Variants in MARCHF1 observed in about 807,000 individuals in gnomAD.
MARCHF1 encodes the protein E3 ubiquitin-protein ligase MARCHF1.
A neutral mutation model predicts 54.2 loss-of-function variants in MARCHF1; 40 were observed. The observed-to-expected ratio is 0.74, with a 90% CI of 0.57 to 0.96. MARCHF1 has a LOEUF of 0.96. Among genes scored for constraint, MARCHF1 ranks in the 40% least tolerant of loss-of-function variants. The pLI is 0.00. For missense variants in MARCHF1, 586 were observed against 656.5 expected (o/e 0.89, Z 1.17); for synonymous variants, 236 against 236.3 (o/e 1.00, Z 0.01).
chr4:164,180,104 G>A (rs1457777993), intron 1 of MARCHF1, among the ~76,000 whole-genome samples: 1 of 151,684 alleles, frequency 6.6e-6, no homozygotes, highest in Non-Finnish European at 1.5e-5. Flanking sequence ...ATATCCTTTA[G>A]TAGTGAAAGC....
chr4:163,785,207 TA>T (rs1747581971), intron 4 of MARCHF1, among the ~76,000 whole-genome samples: 1 of 152,124 alleles, frequency 6.6e-6, no homozygotes, highest in Non-Finnish European at 1.5e-5. Flanking sequence ...GATTAAAATT[TA>T]AGTACTCCAA....
At chr4:164,327,772 GAA>G (rs1735321076) in intron 1 of MARCHF1, among the ~76,000 whole-genome samples, 2 of 152,180 alleles carry the variant, frequency 1.3e-5, no homozygotes. Context: ...TTTCGTGTAG[GAA>G]TTTGGGGAAA....
At chr4:163,828,648 C>A (rs537898335) in intron 4 of MARCHF1, among the ~76,000 whole-genome samples, 66 of 152,076 alleles carry the variant, frequency 4.3e-4, no homozygotes, top group Non-Finnish European at 7.6e-4. Context: ...CACATACACG[C>A]AAAGCCTCAA....
intron 1 of MARCHF1, among the ~76,000 whole-genome samples, chr4:164,172,908 A>G (rs1459825413): frequency 3.3e-5 from 5 of 151,250 alleles, no homozygotes; most frequent in East Asian, 2.0e-4. Flanking sequence ...GTGAACCCGC[A>G]AGGCGGAGCT....
intron 5 of MARCHF1, among the ~76,000 whole-genome samples, chr4:163,620,861 G>A (rs1741671430): frequency 6.6e-6 from 1 of 152,104 alleles, no homozygotes; most frequent in African/African-American, 2.4e-5. Flanking sequence ...TTCTCAGGCT[G>A]TATATTTCGT....
At chr4:163,601,340 T>G (rs6827529) in intron 7 of MARCHF1, among the ~76,000 whole-genome samples, 3,059 of 152,088 alleles carry the variant, frequency 0.02, 88 homozygotes, top group African/African-American at 0.068. Context: ...AATCTAAATT[T>G]AATGCACACA....
At chr4:163,587,419 A>G (rs1740445548) in intron 7 of MARCHF1, among the ~76,000 whole-genome samples, 1 of 152,248 alleles carries the variant, frequency 6.6e-6, no homozygotes, top group African/African-American at 2.4e-5. Context: ...CATTTACGCC[A>G]TGGAATACTA....
chr4:163,568,657 A>G (rs528023920), intron 8 of MARCHF1, among the ~76,000 whole-genome samples: 24 of 152,284 alleles, frequency 1.6e-4, no homozygotes, highest in African/African-American at 5.1e-4. Context: ...GGCTGAAGTC[A>G]TACTGAAGAT....
At chr4:163,983,295 A>T (rs1011300007) in intron 3 of MARCHF1, among the ~76,000 whole-genome samples, 1 of 152,184 alleles carries the variant, frequency 6.6e-6, no homozygotes, top group African/African-American at 2.4e-5. Context: ...TGAAAGGCTG[A>T]GTTATCTACT....
At chr4:163,619,372 A>G (rs1184340946) in intron 5 of MARCHF1, among the ~76,000 whole-genome samples, 1 of 152,162 alleles carries the variant, frequency 6.6e-6, no homozygotes, top group African/African-American at 2.4e-5. Flanking sequence ...TCAAATCCCA[A>G]CAGGTTGTTT....
At chr4:163,821,104 C>T (rs1303903928) in intron 4 of MARCHF1, among the ~76,000 whole-genome samples, 1 of 152,008 alleles carries the variant, frequency 6.6e-6, no homozygotes, top group Non-Finnish European at 1.5e-5. Context: ...GCCTTCTAGG[C>T]TTTTATACAC....
At chr4:164,280,608 C>T (rs1488835827) in intron 1 of MARCHF1, among the ~76,000 whole-genome samples, 1 of 152,024 alleles carries the variant, frequency 6.6e-6, no homozygotes, top group Non-Finnish European at 1.5e-5. Flanking sequence ...CAAATTTATT[C>T]CACATGTCAA....
intron 2 of MARCHF1, among the ~76,000 whole-genome samples, chr4:164,075,935 ACTGT>A (rs1250535906): frequency 6.6e-6 from 1 of 152,200 alleles, no homozygotes; most frequent in African/African-American, 2.4e-5. Context: ...ACAGCCACTG[ACTGT>A]CTATCATATA....
chr4:164,045,680 TAA>T (rs10559720), intron 2 of MARCHF1, among the ~76,000 whole-genome samples: 34,879 of 142,936 alleles, frequency 0.24, 5,493 homozygotes, highest in East Asian at 0.49. Flanking sequence ...TCTGGCTTAG[TAA>T]AAAAAAAAAA....
intron 9 of MARCHF1, among the ~76,000 whole-genome samples, chr4:163,531,654 T>G (rs1488277443): frequency 6.6e-6 from 1 of 151,878 alleles, no homozygotes; most frequent in Non-Finnish European, 1.5e-5. Flanking sequence ...ACTATCTTTG[T>G]TCACAAATGA....
At chr4:164,043,751 C>A (rs6839716) in intron 2 of MARCHF1, among the ~76,000 whole-genome samples, 12,823 of 152,276 alleles carry the variant, frequency 0.084, 657 homozygotes, top group South Asian at 0.21. Context: ...CTCCCCTTCC[C>A]TTTTAAATAT....
intron 2 of MARCHF1, among the ~76,000 whole-genome samples, chr4:164,095,728 T>C (rs1755397052): frequency 6.6e-6 from 1 of 152,034 alleles, no homozygotes; most frequent in South Asian, 2.1e-4. Flanking sequence ...CCAAAAAACT[T>C]AAACTTTTTA....
intron 1 of MARCHF1, among the ~76,000 whole-genome samples, chr4:164,288,325 A>C (rs926166650): frequency 6.6e-6 from 1 of 152,140 alleles, no homozygotes; most frequent in African/African-American, 2.4e-5. Flanking sequence ...ATTCTTATTA[A>C]GGGTTAGAAA....
chr4:163,599,425 C>G (rs1449884174), intron 7 of MARCHF1, among the ~76,000 whole-genome samples: 1 of 151,960 alleles, frequency 6.6e-6, no homozygotes, highest in Non-Finnish European at 1.5e-5. Context: ...CACATACACA[C>G]ACACACACAC....
Sources: gnomAD v4.1 joint callset for allele counts (sites outside exome capture counted in the v4.1 genomes callset) on GRCh38, gnomAD v4.1.1 for gene constraint, MANE v1.5 for transcripts, NCBI Gene and HGNC (gene_info 2026-07-23, HGNC 2026-07-21) for gene names.